DNAH8: variants seen among roughly 807,000 people sequenced by gnomAD.
DNAH8 encodes dynein axonemal heavy chain 8, also known as axonemal beta dynein heavy chain 8.
Under a neutral mutation model 562.1 loss-of-function variants are expected in DNAH8, and 382 were observed. The ratio of observed to expected loss-of-function variants is 0.68; its 90% CI spans 0.63 to 0.74. The LOEUF is 0.74. Among genes scored for constraint, DNAH8 ranks in the 30% least tolerant of loss-of-function variants. The pLI, the probability that DNAH8 is intolerant of heterozygous loss-of-function variation, is 0.00. For synonymous variants in DNAH8, 1,881 were observed against 1,919.4 expected, an observed-to-expected ratio of 0.98 and a Z score of 0.52; for missense variants, 5,203 against 5,620.4, an observed-to-expected ratio of 0.93 and a Z score of 2.37.
At chr6:38,957,001 G>GT (rs1159710102) in intron 82 of DNAH8, among the ~76,000 whole-genome samples, 1 of 152,140 alleles carries the variant, frequency 6.6e-6, no homozygotes, top group African/African-American at 2.4e-5. Flanking sequence ...TGGCTTAATG[G>GT]ATTTTTTAAA....
chr6:38,925,886 T>C (rs1782076968), intron 73 of DNAH8, among the ~76,000 whole-genome samples, 169 bp from the exon 74 acceptor site: 1 of 152,126 alleles, frequency 6.6e-6, no homozygotes, highest in African/African-American at 2.4e-5. Flanking sequence ...AATGTGAATG[T>C]TATTTGGTTC....
At chr6:38,867,283 G>A (rs917359861) in intron 47 of DNAH8, among the ~76,000 whole-genome samples, 2 of 150,350 alleles carry the variant, frequency 1.3e-5, no homozygotes, top group African/African-American at 4.9e-5. Context: ...TGTAAGATAC[G>A]GCTCTGTTCC....
At position 38,938,887 on chromosome 6, in the gene DNAH8, TA is replaced by T; in HGVS notation, c.11907del (p.Tyr3970ThrfsTer12). ...YEVFTYSVRG[L>X]YENHKFLFVL... ...GTTTTTACATACTCTGTCAGAGGCCTATACGAAAACCACAAATTCCTGTTTG... is the reference window on the plus strand; with the variant it reads ...GTTTTTACATACTCTGTCAGAGGCCTTACGAAAACCACAAATTCCTGTTTG... On this transcript the variant is annotated frameshift_variant, in exon 79 of 93. Transcript: ENST00000327475. LOFTEE classifies it high-confidence loss of function. 1 of 1,613,690 alleles carries T rather than the reference TA, an allele frequency of 6.2e-7. No individual in the cohort carries two copies. The highest frequency in any genetic ancestry group is 1.1e-5 in the South Asian group (1 of 91,066).
chr6:38,759,376 T>G (rs1156596765), intron 10 of DNAH8, among the ~76,000 whole-genome samples: 1 of 152,042 alleles, frequency 6.6e-6, no homozygotes, highest in East Asian at 1.9e-4. Context: ...TGAATAGAAT[T>G]TATTTGTAAA....
chr6:38,898,242 TTCTC>T lies in DNAH8; in HGVS notation c.8941-13_8941-10del, dbSNP rs1446164951. On this transcript the variant is annotated splice_polypyrimidine_tract_variant and intron_variant, in intron 60 of 92. Transcript: ENST00000327475. ...GATCTTAAATATTATTTTTTTATCT[TTCTC>T]TCCACCCATAGATGCCATCCTTTGA... 3 of 1,572,748 alleles carry T rather than the reference TTCTC, an allele frequency of 1.9e-6. No individual in the cohort carries two copies. In the Admixed American group the frequency reaches 6.0e-5, roughly 31 times the overall value.
At chr6:39,007,770 G>T (rs1381041530) in intron 88 of DNAH8, among the ~76,000 whole-genome samples, 2 of 152,068 alleles carry the variant, frequency 1.3e-5, no homozygotes, top group African/African-American at 2.4e-5. Context: ...CTTCTTATCT[G>T]AATGTCCTTT....
intron 74 of DNAH8, among the ~76,000 whole-genome samples, chr6:38,927,020 A>G (rs1260690276): frequency 6.6e-6 from 1 of 152,140 alleles, no homozygotes; most frequent in African/African-American, 2.4e-5. Context: ...CTATTGTACC[A>G]TGAACTCCTT....
At chr6:38,888,601 A>C (rs1050701139) in intron 57 of DNAH8, among the ~76,000 whole-genome samples, 1 of 152,256 alleles carries the variant, frequency 6.6e-6, no homozygotes, top group Admixed American at 6.5e-5. Flanking sequence ...CTTTAAAAAG[A>C]GGAAGCTAAA....
At position 38,741,896 on chromosome 6, in the gene DNAH8, C is replaced by A. The variant is rs536735879; in HGVS notation, c.1293+9C>A. 4 of 1,600,768 alleles carry A rather than the reference C, an allele frequency of 2.5e-6. No homozygotes were observed. In the Admixed American group the frequency reaches 7.0e-5, roughly 28 times the overall value. On this transcript the variant is annotated intron_variant, in intron 8 of 92. Coordinates refer to ENST00000327475, the MANE Select transcript of DNAH8 (RefSeq NM_001206927.2). The stretch of plus-strand genomic sequence containing the variant: ...ACTCCAAACTGCTAAAGGTAAAAGG[C>A]TTTTTATTTAAAGTTTGGTATACTT...
Position 38,734,483 on chromosome 6 carries a change from G to A in DNAH8, c.620G>A (p.Arg207Gln), listed in dbSNP as rs756731770. 17 of 1,613,470 alleles carry A rather than the reference G, an allele frequency of 1.1e-5. No individual in the cohort carries two copies. Among genetic ancestry groups the A allele is most frequent in the South Asian group, 5.5e-5 (5 of 90,990 alleles). The change falls in exon 5 of 93, where the codon CGA becomes CAA. Residue 207 changes from arginine to glutamine, a missense_variant. Transcript: ENST00000327475. ...EGDVPGIECG[R>Q]TIAGATKGAK... ...TGACTTTTGTTTTCAGAATGTGGTC[G>A]AACTATTGCTGGAGCAACTAAAGGG...
intron 57 of DNAH8, among the ~76,000 whole-genome samples, chr6:38,887,707 A>T (rs1390592560): frequency 6.6e-6 from 1 of 152,172 alleles, no homozygotes; most frequent in African/African-American, 2.4e-5. Context: ...AACCTGTCTA[A>T]AAAACCAAAA....
At chr6:38,793,230 T>G (rs1554212061) in intron 21 of DNAH8, among the ~76,000 whole-genome samples, 1 of 152,114 alleles carries the variant, frequency 6.6e-6, no homozygotes, top group Non-Finnish European at 1.5e-5. Flanking sequence ...CATGGCTCAC[T>G]GCAGACTAGA....
At chr6:38,917,466 C>A in intron 69 of DNAH8, 60 bp downstream of exon 69, 2 of 1,400,386 alleles carry the variant, frequency 1.4e-6, no homozygotes, top group East Asian at 2.3e-5. Flanking sequence ...CAGCCCAGGA[C>A]ACTCAATATA....
chr6:39,025,141 C>G (rs1023104308), intron 91 of DNAH8, among the ~76,000 whole-genome samples: 1 of 152,254 alleles, frequency 6.6e-6, no homozygotes. Context: ...TCCACACTCT[C>G]TCAGCCATCC....
chr6:38,985,659 T>A (rs761245165), intron 87 of DNAH8, among the ~76,000 whole-genome samples: 2 of 152,204 alleles, frequency 1.3e-5, no homozygotes, highest in Non-Finnish European at 2.9e-5. Context: ...GGTAGACATA[T>A]CTCAGAACAT....
At chr6:38,717,460 A>C (rs1762425229) in intron 1 of DNAH8, among the ~76,000 whole-genome samples, 1 of 151,834 alleles carries the variant, frequency 6.6e-6, no homozygotes, top group Non-Finnish European at 1.5e-5. Flanking sequence ...AGTAGCTGGG[A>C]CTACAGGTGC....
chr6:39,005,813 T>C (rs566930455), intron 88 of DNAH8, among the ~76,000 whole-genome samples: 2 of 152,364 alleles, frequency 1.3e-5, no homozygotes, highest in African/African-American at 4.8e-5. Context: ...CCAGTGTAAT[T>C]GTTATTTCTT....
rs553717074 is a variant in DNAH8 at position 39,007,808 on chromosome 6, C to T, written c.13215-1006C>T. On this transcript the variant is annotated intron_variant, in intron 88 of 92. Coordinates refer to ENST00000327475, the MANE Select transcript of DNAH8 (RefSeq NM_001206927.2). ...TGCCTCCCACCACCCCACCCCACTG[C>T]GTGGCTGACCTGTTCATCCTTCTGG... Among the ~76,000 whole-genome samples the T allele has an allele frequency of 3.9e-5, 6 of 152,094 alleles. No homozygotes were observed. The South Asian group carries it at 8.3e-4, about 21-fold the overall frequency.
chr6:38,741,454 C>T (rs1232269848), intron 7 of DNAH8, among the ~76,000 whole-genome samples: 1 of 135,830 alleles, frequency 7.4e-6, no homozygotes, highest in Non-Finnish European at 1.7e-5. Flanking sequence ...AACTACCTCC[C>T]CCCCGACCAA....
Sources: gnomAD v4.1 joint callset for allele counts (sites outside exome capture counted in the v4.1 genomes callset) on GRCh38, gnomAD v4.1.1 for gene constraint, MANE v1.5 for transcripts, NCBI Gene and HGNC (gene_info 2026-07-23, HGNC 2026-07-21) for gene names.